Variants in TAOK3 observed in about 807,000 individuals in gnomAD.
TAOK3 encodes TAO kinase 3.
In TAOK3, 40 loss-of-function variants were observed where a neutral mutation model predicts 120.4. That is an observed-to-expected ratio of 0.33 (90% CI 0.26 to 0.43). TAOK3 has a LOEUF of 0.43. TAOK3 is among the 20% of genes least tolerant of loss of function. The pLI, the probability that TAOK3 is intolerant of heterozygous loss-of-function variation, is 1.00. For missense variants in TAOK3, 821 were observed against 1,112.1 expected (o/e 0.74, Z 3.72); for synonymous variants, 355 against 387.5 (o/e 0.92, Z 0.99).
At chr12:118,323,725 T>A (rs1308042210) in intron 1 of TAOK3, among the ~76,000 whole-genome samples, 1 of 152,194 alleles carries the variant, frequency 6.6e-6, no homozygotes, top group African/African-American at 2.4e-5. Context: ...TGTCATAAAA[T>A]CTCATTTTTA....
intron 1 of TAOK3, among the ~76,000 whole-genome samples, chr12:118,368,018 G>A (rs976607017): frequency 4.6e-5 from 7 of 152,110 alleles, no homozygotes; most frequent in Non-Finnish European, 1.0e-4. Context: ...ACAATAGTTT[G>A]CCTGTATACG....
intron 1 of TAOK3, among the ~76,000 whole-genome samples, chr12:118,342,984 A>C (rs1216448626): frequency 6.6e-6 from 1 of 151,272 alleles, no homozygotes; most frequent in Non-Finnish European, 1.5e-5. Flanking sequence ...AGAGAAATGA[A>C]GAAGTCTTGC....
chr12:118,208,421 T>C (rs534931338), intron 11 of TAOK3, among the ~76,000 whole-genome samples: 73 of 72,168 alleles, frequency 1.0e-3, no homozygotes, highest in African/African-American at 3.9e-3. Context: ...AAAAGAGAAA[T>C]AGGAAAAAAA....
Position 118,306,735 on chromosome 12 carries a change from T to C in TAOK3, c.-193-39976A>G, listed in dbSNP as rs1187407940. 3.3e-5 allele frequency among the ~76,000 whole-genome samples: 5 copies of C among 152,230 alleles called. No individual in the cohort carries two copies. In the East Asian group the frequency reaches 9.6e-4, roughly 29 times the overall value. ...GTTCCATAGTTAAAAGATAATTTTA[T>C]ATATTGTACTTTGGACTTAAACTAA... On this transcript the variant is annotated intron_variant, in intron 1 of 20. Coordinates refer to ENST00000392533, the MANE Select transcript of TAOK3 (RefSeq NM_016281.4).
intron 1 of TAOK3, among the ~76,000 whole-genome samples, chr12:118,309,273 G>A (rs918220910): frequency 1.3e-5 from 2 of 148,410 alleles, no homozygotes; most frequent in Admixed American, 1.4e-4. Flanking sequence ...AGGTTGCAAT[G>A]AGCCGAGCTC....
chr12:118,200,374 T>C (rs2037961531), intron 12 of TAOK3: 1 of 152,210 alleles, frequency 6.6e-6, no homozygotes. Context: ...GCTCCATCTC[T>C]ACTGCATTTA....
At chr12:118,166,752 A>G (rs960752863) in intron 17 of TAOK3, among the ~76,000 whole-genome samples, 1 of 151,720 alleles carries the variant, frequency 6.6e-6, no homozygotes, top group African/African-American at 2.4e-5. Context: ...AAAAACTAAA[A>G]AATCAGTTTT....
intron 14 of TAOK3, among the ~76,000 whole-genome samples, chr12:118,187,953 C>T (rs1287108929): frequency 1.3e-5 from 2 of 152,148 alleles, no homozygotes; most frequent in Non-Finnish European, 2.9e-5. Flanking sequence ...ACTGTGATGG[C>T]TGATATACAC....
chr12:118,227,244 A>G (rs1330785105), intron 9 of TAOK3, among the ~76,000 whole-genome samples: 1 of 147,306 alleles, frequency 6.8e-6, no homozygotes, highest in African/African-American at 2.5e-5. Flanking sequence ...TATTACTTTT[A>G]TATTTTAATA....
intron 14 of TAOK3, among the ~76,000 whole-genome samples, chr12:118,188,221 C>G (rs2037194447): frequency 6.6e-6 from 1 of 152,164 alleles, no homozygotes; most frequent in South Asian, 2.1e-4. Context: ...ATGAACGGGT[C>G]TGGATAAAGG....
chr12:118,326,726 T>A (rs543332392), intron 1 of TAOK3, among the ~76,000 whole-genome samples: 1 of 152,314 alleles, frequency 6.6e-6, no homozygotes, highest in South Asian at 2.1e-4. Flanking sequence ...GTTTATTAGT[T>A]CTACTTACAG....
intron 14 of TAOK3, among the ~76,000 whole-genome samples, chr12:118,184,901 C>G (rs2138972268): frequency 6.6e-6 from 1 of 152,262 alleles, no homozygotes; most frequent in East Asian, 1.9e-4. Context: ...GAGGAACTAC[C>G]ACTGTCTTCC....
At chr12:118,183,034 A>G (rs1323437600) in intron 14 of TAOK3, among the ~76,000 whole-genome samples, 2 of 151,304 alleles carry the variant, frequency 1.3e-5, no homozygotes, top group South Asian at 4.2e-4. Context: ...TATTTTTCCT[A>G]TTTTAGAAAA....
At chr12:118,356,295 CTTTTTTTTTTT>C (rs949021724) in intron 1 of TAOK3, among the ~76,000 whole-genome samples, 1 of 109,338 alleles carries the variant, frequency 9.1e-6, no homozygotes, top group Non-Finnish European at 1.8e-5. Context: ...TGGTCACTTT[CTTTTTTTTTTT>C]TTTTTTTTTT....
chr12:118,245,993 G>T lies in TAOK3; in HGVS notation c.121-1028C>A, dbSNP rs535007717. The T allele has an allele frequency of 1.1e-4, 65 of 573,482 alleles. 1 individual carries two copies. The highest frequency in any genetic ancestry group is 1.9e-4 in the Non-Finnish European group (62 of 332,118). 35.5% of individuals were successfully genotyped at this position (573,482 alleles called of 1,614,324 possible). On this transcript the variant is annotated intron_variant, in intron 3 of 20. Coordinates refer to ENST00000392533, the MANE Select transcript of TAOK3 (RefSeq NM_016281.4). ...GTTTTGGTCAAAAACAAGCTATAAA[G>T]TAGAATCCAATTTTTGCAAAATAGT...
chr12:118,369,096 G>A lies in TAOK3; in HGVS notation c.-194+3552C>T, dbSNP rs866453093. On this transcript the variant is annotated intron_variant, in intron 1 of 20. Coordinates refer to ENST00000392533, the MANE Select transcript of TAOK3 (RefSeq NM_016281.4). ...CCAGCTACTCAGGAGGCTGAGGCAA[G>A]AGGATCGCTTGATCTTGGGAGGCAG... is the stretch of plus-strand genomic sequence containing the variant. Among the ~76,000 whole-genome samples, 16 of 151,876 alleles carry A rather than the reference G, an allele frequency of 1.1e-4. 1 individual carries two copies. Among genetic ancestry groups the A allele is most frequent in the Middle Eastern group, 3.2e-3 (1 of 312 alleles).
In TAOK3 at chr12:118,372,071, C is replaced by T. The variant is rs1447015620; in HGVS notation, c.-194+577G>A. ...GGTCTTCTCACACTCTGTTCTAAGC[C>T]CTCTGGGGATCCCCTGTCTTCACAT... On this transcript the variant is annotated intron_variant, in intron 1 of 20. Transcript: ENST00000392533. This position sits in a 1 kb window ranked among gnomAD's most constrained non-coding sequence, Gnocchi z 4.6. Among the ~76,000 whole-genome samples, 5 of 152,020 alleles carry T rather than the reference C, an allele frequency of 3.3e-5. No homozygotes were observed. Among genetic ancestry groups the T allele is most frequent in the African/African-American group, 9.7e-5 (4 of 41,414 alleles).
At chr12:118,263,992 G>A (rs1055633545) in intron 2 of TAOK3, among the ~76,000 whole-genome samples, 2 of 152,226 alleles carry the variant, frequency 1.3e-5, no homozygotes, top group Non-Finnish European at 2.9e-5. Context: ...CTTGAACCCA[G>A]GAGGTGGAAG....
chr12:118,341,749 G>T (rs952210773), intron 1 of TAOK3, among the ~76,000 whole-genome samples: 2 of 152,220 alleles, frequency 1.3e-5, no homozygotes, highest in Admixed American at 1.3e-4. Flanking sequence ...GGCTAGGTGT[G>T]GTGGCTAATG....
Sources: allele counts gnomAD v4.1 joint callset (sites outside exome capture counted in the v4.1 genomes callset), GRCh38; gene constraint gnomAD v4.1.1; non-coding constraint Gnocchi (gnomAD v3.1); transcripts MANE v1.5; gene names NCBI Gene and HGNC (gene_info 2026-07-23, HGNC 2026-07-21).